Variants in PYROXD1 observed in about 807,000 individuals in gnomAD.
The protein encoded by PYROXD1 is tRNA ligase complex-associated NAD(P)H dehydrogenase PYROXD1.
PYROXD1 carries 42 observed loss-of-function variants against 62.0 expected under a neutral mutation model. That is an observed-to-expected ratio of 0.68 (90% confidence interval 0.53 to 0.88). The LOEUF (loss-of-function observed/expected upper bound fraction) is 0.88. Ranked by LOEUF, PYROXD1 falls within the 40% of genes least tolerant of loss-of-function variation. The pLI is 0.00. For missense variants in PYROXD1, 493 were observed against 604.8 expected, an observed-to-expected ratio of 0.82 and a Z score of 1.94; for synonymous variants, 170 against 206.4, an observed-to-expected ratio of 0.82 and a Z score of 1.51.
intron 9 of PYROXD1, 83 bp from the exon 10 acceptor site, chr12:21,462,657 A>G (rs1390464120): frequency 2.0e-6 from 3 of 1,489,268 alleles, no homozygotes; most frequent in African/African-American, 1.4e-5. Context: ...AAGTGTAACA[A>G]TTTAATTTGT....
chr12:21,463,972 G>C (rs1349768999), intron 10 of PYROXD1, among the ~76,000 whole-genome samples: 3 of 152,188 alleles, frequency 2.0e-5, no homozygotes, highest in African/African-American at 4.8e-5. Context: ...TGTGAAGTAG[G>C]AGAAGAGCTA....
At chr12:21,455,313 A>G in intron 6 of PYROXD1, 21 bp downstream of exon 6, 2 of 1,383,098 alleles carry the variant, frequency 1.4e-6, no homozygotes, top group South Asian at 1.9e-5. Flanking sequence ...CACCTAGCTC[A>G]TTAATTCTCA....
intron 1 of PYROXD1, 64 bp downstream of exon 1, chr12:21,437,878 C>T (rs1238209183): frequency 2.2e-6 from 3 of 1,385,350 alleles, no homozygotes; most frequent in Admixed American, 4.4e-5. Context: ...CACTGGAGGC[C>T]TTCCTCCCAC....
chr12:21,446,801 G>C (rs1040789112), intron 3 of PYROXD1, among the ~76,000 whole-genome samples: 1 of 152,074 alleles, frequency 6.6e-6, no homozygotes, highest in African/African-American at 2.4e-5. Flanking sequence ...TGTAGTCCCA[G>C]CTACTTTGGT....
chr12:21,445,603 GTAT>G (rs1269090760), intron 3 of PYROXD1, 137 bp downstream of exon 3: 4 of 867,566 alleles, frequency 4.6e-6, no homozygotes, highest in African/African-American at 1.7e-5. Context: ...TTGATTTCCA[GTAT>G]TATTAGAAAA....
At chr12:21,445,772 C>A (rs1340360586) in intron 3 of PYROXD1, among the ~76,000 whole-genome samples, 1 of 152,040 alleles carries the variant, frequency 6.6e-6, no homozygotes, top group Non-Finnish European at 1.5e-5. Context: ...GGTGTTGGCT[C>A]CTAGGAACTG....
intron 3 of PYROXD1, among the ~76,000 whole-genome samples, chr12:21,448,977 G>A (rs1942442342): frequency 6.6e-6 from 1 of 151,878 alleles, no homozygotes; most frequent in Non-Finnish European, 1.5e-5. Flanking sequence ...GTCATTATTT[G>A]TACTTAAGAA....
In PYROXD1 at chr12:21,444,583, C is replaced by T. The variant is rs150934977; in HGVS notation, c.166-764C>T. ...AAGTGCTTACCATGCATCAAGTGGC[C>T]TTCTAAAGGTTTCAGATCTATTCTA... On this transcript the variant is annotated intron_variant, in intron 2 of 11. Transcript: ENST00000240651. Among the ~76,000 whole-genome samples the T allele has an allele frequency of 5.0e-4, 76 of 152,254 alleles. 2 individuals are homozygous for T. In the East Asian group the frequency reaches 0.014, roughly 29 times the overall value.
intron 5 of PYROXD1, among the ~76,000 whole-genome samples, chr12:21,453,310 T>C (rs1163688807): frequency 1.3e-5 from 2 of 152,068 alleles, no homozygotes; most frequent in African/African-American, 2.4e-5. Flanking sequence ...AACTCATAGT[T>C]TTGTATTTAG....
chr12:21,444,722 A>G (rs1450508390), intron 2 of PYROXD1, among the ~76,000 whole-genome samples: 1 of 152,146 alleles, frequency 6.6e-6, no homozygotes, highest in African/African-American at 2.4e-5. Context: ...ATTTCCATGC[A>G]GTTTTTAAGG....
chr12:21,449,553 G>A lies in PYROXD1; in HGVS notation c.286-10G>A. The A allele has an allele frequency of 1.9e-6, 3 of 1,603,730 alleles. No homozygotes were observed. Among genetic ancestry groups the A allele is most frequent in the Non-Finnish European group, 2.6e-6 (3 of 1,176,460 alleles). ...TCTCCCTTTTCTTTCATTGTTTGAT[G>A]TATTTACAGTGCATTGTAACAGAAG... is the stretch of plus-strand genomic sequence containing the variant. On this transcript the variant is annotated splice_polypyrimidine_tract_variant and intron_variant, in intron 3 of 11. Transcript: ENST00000240651.
At chr12:21,446,249 CTG>C (rs1466392754) in intron 3 of PYROXD1, among the ~76,000 whole-genome samples, 1 of 152,098 alleles carries the variant, frequency 6.6e-6, no homozygotes, top group East Asian at 1.9e-4. Flanking sequence ...TGGTGAAACC[CTG>C]TCTCTACTAA....
intron 8 of PYROXD1, among the ~76,000 whole-genome samples, chr12:21,461,769 G>A (rs1942701707): frequency 6.6e-6 from 1 of 152,108 alleles, no homozygotes; most frequent in Non-Finnish European, 1.5e-5. Flanking sequence ...GTCCAAATTT[G>A]AAGGAAAAAC....
chr12:21,437,910 G>A (rs2137232743), intron 1 of PYROXD1, 96 bp downstream of exon 1: 3 of 1,187,910 alleles, frequency 2.5e-6, no homozygotes, highest in Non-Finnish European at 3.5e-6. Context: ...TTCTTCTTCC[G>A]GGTTCCTTTT....
At chr12:21,458,273 A>T (rs1942635165) in intron 7 of PYROXD1, among the ~76,000 whole-genome samples, 1 of 152,226 alleles carries the variant, frequency 6.6e-6, no homozygotes, top group Admixed American at 6.5e-5. Flanking sequence ...TTTCTTCTGC[A>T]GCTTCCTCAC....
chr12:21,455,709 T>G (rs1942584042), intron 6 of PYROXD1, among the ~76,000 whole-genome samples: 2 of 151,878 alleles, frequency 1.3e-5, no homozygotes, highest in South Asian at 4.1e-4. Context: ...TATAAAATTA[T>G]AAAAATTTGA....
At chr12:21,456,879 TC>T (rs1269984565) in intron 7 of PYROXD1, 2 of 455,428 alleles carry the variant, frequency 4.4e-6, no homozygotes, top group Non-Finnish European at 8.8e-6. Flanking sequence ...ACTCACAGCA[TC>T]CTCACCAGAA....
chr12:21,443,346 G>C (rs892612115), intron 2 of PYROXD1, among the ~76,000 whole-genome samples: 3 of 152,152 alleles, frequency 2.0e-5, no homozygotes, highest in African/African-American at 7.2e-5. Flanking sequence ...ATCAATATGG[G>C]TAGGGGTGTG....
intron 11 of PYROXD1, among the ~76,000 whole-genome samples, chr12:21,468,174 A>C (rs962040594): frequency 1.3e-5 from 2 of 152,084 alleles, no homozygotes; most frequent in Admixed American, 1.3e-4. Context: ...ACATATTTAT[A>C]TATTTACTGT....
Sources: allele counts gnomAD v4.1 joint callset (sites outside exome capture counted in the v4.1 genomes callset), GRCh38; gene constraint gnomAD v4.1.1; transcripts MANE v1.5; gene names NCBI Gene and HGNC (gene_info 2026-07-23, HGNC 2026-07-21).